Variants in ZMAT1 observed in about 807,000 individuals in gnomAD.
The protein encoded by ZMAT1 is zinc finger matrin-type protein 1.
ZMAT1 carries 11 observed loss-of-function variants against 18.5 expected under a neutral mutation model. The observed-to-expected ratio is 0.59, with a 90% confidence interval of 0.37 to 0.98. The LOEUF (loss-of-function observed/expected upper bound fraction) is 0.98, where lower values mean the gene tolerates loss of function less well. ZMAT1 is among the 50% of genes least tolerant of loss of function. ZMAT1 has a pLI of 0.01. For synonymous variants in ZMAT1, 211 were observed against 176.4 expected (o/e 1.20, Z -1.55); for missense variants, 525 against 496.2 (o/e 1.06, Z -0.55).
chrX:101,931,564 CGGCGG>C (rs1215264219), intron 1 of ZMAT1, 148 bp downstream of exon 1: 25 of 674,860 alleles, frequency 3.7e-5, no homozygotes, highest in African/African-American at 2.2e-4. Flanking sequence ...GGGGCTAATA[CGGCGG>C]GGCGGGGCGG....
intron 4 of ZMAT1, among the ~76,000 whole-genome samples, chrX:101,892,220 T>C (rs142962568): frequency 3.0e-4 from 34 of 111,647 alleles, no homozygotes; most frequent in African/African-American, 1.1e-3. Context: ...CCAATCTCTA[T>C]AGTTTATAAT....
intron 1 of ZMAT1, among the ~76,000 whole-genome samples, chrX:101,921,702 T>A (rs186452377): frequency 1.2e-4 from 13 of 111,957 alleles, no homozygotes; most frequent in Admixed American, 6.7e-4. Flanking sequence ...TAGATGGGAA[T>A]ATATACGGAA....
intron 2 of ZMAT1, among the ~76,000 whole-genome samples, chrX:101,899,458 C>T (rs1356277330): frequency 2.7e-5 from 3 of 111,376 alleles, no homozygotes; most frequent in Non-Finnish European, 5.7e-5. Context: ...CCTCGCCTCC[C>T]TTCCACTCTT....
chrX:101,904,879 A>G, intron 1 of ZMAT1, among the ~76,000 whole-genome samples: 1 of 111,901 alleles, frequency 8.9e-6, no homozygotes, highest in Admixed American at 9.5e-5. Context: ...CAGGAGGTCG[A>G]GGCTGCAGTG....
At chrX:101,907,648 CA>C (rs988144805) in intron 1 of ZMAT1, among the ~76,000 whole-genome samples, 39 of 110,948 alleles carry the variant, frequency 3.5e-4, no homozygotes, top group Non-Finnish European at 2.5e-4. Context: ...CAATGAACTT[CA>C]AAAAAATAGA....
At chrX:101,885,015 C>G (rs1926831796) in intron 5 of ZMAT1, among the ~76,000 whole-genome samples, 194 bp from the exon 6 acceptor site, 1 of 111,128 alleles carries the variant, frequency 9.0e-6, no homozygotes, top group South Asian at 3.7e-4. Context: ...CAGTGAGAAC[C>G]TACCTCATTA....
At chrX:101,909,782 G>A (rs1037373486) in intron 1 of ZMAT1, among the ~76,000 whole-genome samples, 6 of 112,346 alleles carry the variant, frequency 5.3e-5, no homozygotes, top group Non-Finnish European at 1.1e-4. Context: ...GACTTCTAAG[G>A]TTTTTTTAAC....
chrX:101,901,376 G>T (rs934628548), intron 2 of ZMAT1, among the ~76,000 whole-genome samples: 4 of 111,129 alleles, frequency 3.6e-5, no homozygotes, highest in African/African-American at 1.3e-4. Context: ...GGGCATCCTT[G>T]TCTTGTTCCA....
chrX:101,900,476 G>T (rs1466791798), intron 2 of ZMAT1, among the ~76,000 whole-genome samples: 1 of 111,928 alleles, frequency 8.9e-6, no homozygotes, highest in Non-Finnish European at 1.9e-5. Flanking sequence ...GTTGATTTTT[G>T]TATAAGGTGA....
At chrX:101,931,554 G>A in intron 1 of ZMAT1, 163 bp downstream of exon 1, 1 of 727,735 alleles carries the variant, frequency 1.4e-6, no homozygotes, top group African/African-American at 2.3e-5. Context: ...TTGCACACTC[G>A]GGGCTAATAC....
Position 101,897,885 on chromosome X carries a change from C to A in ZMAT1, c.659G>T (p.Gly220Val), listed in dbSNP as rs752686074. ...MEEHDQASPS[G>V]FQPEMAFSMR... ...AACCTTACCCATCTCTGGTTGAAAT[C>A]CTGATGGAGATGCCTGATCATGTTC... The change falls in exon 4 of 6, where the codon GGA (glycine) becomes GTA (valine). Residue 220 changes from glycine (G) to valine (V), a missense_variant. By Grantham distance (109) the Gly-to-Val change is moderately radical. Coordinates refer to ENST00000651725, the MANE Select transcript of ZMAT1 (RefSeq NM_001394560.1). 1.7e-6 allele frequency: 2 copies of A among 1,210,487 alleles called. No homozygotes were observed. The highest frequency in any genetic ancestry group is 4.4e-5 in the Admixed American group (2 of 45,967).
chrX:101,928,712 G>C (rs1930210978), intron 1 of ZMAT1, among the ~76,000 whole-genome samples: 1 of 112,435 alleles, frequency 8.9e-6, no homozygotes, highest in Non-Finnish European at 1.9e-5. Flanking sequence ...AAACTTTACT[G>C]AATAATATGG....
intron 4 of ZMAT1, chrX:101,887,074 C>T (rs1358805016): frequency 8.7e-6 from 2 of 230,619 alleles, no homozygotes; most frequent in Non-Finnish European, 1.3e-5. Flanking sequence ...GGCCAACCAA[C>T]CTTTGCCTCT....
intron 2 of ZMAT1, among the ~76,000 whole-genome samples, chrX:101,898,518 T>C (rs1163981620): frequency 1.8e-5 from 2 of 112,187 alleles, no homozygotes; most frequent in African/African-American, 6.5e-5. Context: ...AAAGACTATG[T>C]TTTTCAGCCT....
intron 1 of ZMAT1, among the ~76,000 whole-genome samples, chrX:101,917,680 G>A (rs926171956): frequency 4.5e-5 from 5 of 112,329 alleles, no homozygotes; most frequent in South Asian, 3.7e-4. Flanking sequence ...CAATCTCACC[G>A]CTGGGTATTT....
At chrX:101,891,227 G>A (rs775711579) in intron 4 of ZMAT1, among the ~76,000 whole-genome samples, 3 of 111,892 alleles carry the variant, frequency 2.7e-5, no homozygotes, top group Admixed American at 1.9e-4. Context: ...AAAAGTTAGC[G>A]ACAGAATGAC....
rs184059900 is a variant in ZMAT1 at position 101,905,723 on chromosome X, T to C, written c.293-1393A>G. ...TAATGTTTAACTTTCTGTACAACTG[T>C]CTTAATTTTTGCAGAAAAGAATGCA... On this transcript the variant is annotated intron_variant, in intron 1 of 5. Coordinates refer to ENST00000651725, the MANE Select transcript of ZMAT1 (RefSeq NM_001394560.1). Among the ~76,000 whole-genome samples the C allele has an allele frequency of 1.1e-4, 12 of 111,458 alleles. No individual in the cohort carries two copies. In the East Asian group the frequency reaches 3.1e-3, roughly 29 times the overall value.
chrX:101,903,129 T>C (rs769965651), intron 2 of ZMAT1, among the ~76,000 whole-genome samples: 10 of 112,136 alleles, frequency 8.9e-5, no homozygotes, highest in Admixed American at 1.9e-4. Context: ...ATTGTAGTTA[T>C]CACAGAGCCC....
chrX:101,905,711 T>C lies in ZMAT1; in HGVS notation c.293-1381A>G, dbSNP rs1019912337. ...GGAGAGACAACTTAATGTTTAACTT[T>C]CTGTACAACTGTCTTAATTTTTGCA... On this transcript the variant is annotated intron_variant, in intron 1 of 5. Transcript: ENST00000651725. Among the ~76,000 whole-genome samples the C allele has an allele frequency of 1.4e-4, 16 of 111,621 alleles. No individual in the cohort carries two copies. In the East Asian group the frequency reaches 2.0e-3, roughly 14 times the overall value.
Sources: allele counts gnomAD v4.1 joint callset (sites outside exome capture counted in the v4.1 genomes callset), GRCh38; gene constraint gnomAD v4.1.1; transcripts MANE v1.5; gene names NCBI Gene and HGNC (gene_info 2026-07-23, HGNC 2026-07-21).